Variants in NXPE1 observed in about 807,000 individuals in gnomAD.
NXPE1 encodes NXPE family member 1.
NXPE1 carries 31 observed loss-of-function variants against 33.3 expected under a neutral mutation model. The observed-to-expected ratio is 0.93, with a 90% CI of 0.70 to 1.26. The LOEUF (loss-of-function observed/expected upper bound fraction) is 1.26. NXPE1 is among the 50% of genes most tolerant of loss of function. NXPE1 has a pLI of 0.00. For missense variants in NXPE1, 661 were observed against 655.6 expected, an observed-to-expected ratio of 1.01 and a Z score of -0.09; for synonymous variants, 229 against 231.4, an observed-to-expected ratio of 0.99 and a Z score of 0.09.
chr11:114,525,287 A>G (rs1947334778), intron 7 of NXPE1, among the ~76,000 whole-genome samples: 1 of 152,204 alleles, frequency 6.6e-6, no homozygotes, highest in East Asian at 1.9e-4. Flanking sequence ...AGATTCCATT[A>G]TATTTTTTAT....
intron 5 of NXPE1, among the ~76,000 whole-genome samples, chr11:114,539,589 CA>C (rs1057196925): frequency 1.3e-5 from 2 of 151,646 alleles, no homozygotes; most frequent in Non-Finnish European, 2.9e-5. Context: ...AATTCTCTCT[CA>C]AAAAAAATTA....
At chr11:114,530,131 C>T in intron 6 of NXPE1, 44 bp downstream of exon 6, 1 of 1,538,960 alleles carries the variant, frequency 6.5e-7, no homozygotes, top group African/African-American at 1.4e-5. Context: ...GACTGGGGCA[C>T]TTCTCAGGGG....
At chr11:114,525,428 A>G (rs990263681) in intron 7 of NXPE1, among the ~76,000 whole-genome samples, 1 of 152,124 alleles carries the variant, frequency 6.6e-6, no homozygotes, top group Non-Finnish European at 1.5e-5. Context: ...TCTAAGACCC[A>G]GGGAAGGGCA....
At chr11:114,523,927 A>G (rs1005722115) in intron 7 of NXPE1, among the ~76,000 whole-genome samples, 2 of 152,254 alleles carry the variant, frequency 1.3e-5, no homozygotes, top group African/African-American at 2.4e-5. Flanking sequence ...AAAGACCAAG[A>G]TAATAATGAC....
At chr11:114,538,959 A>G (rs1286411863) in intron 5 of NXPE1, among the ~76,000 whole-genome samples, 1 of 152,112 alleles carries the variant, frequency 6.6e-6, no homozygotes, top group Non-Finnish European at 1.5e-5. Context: ...ATTATAAATC[A>G]TGCTGCTATA....
chr11:114,519,706 A>C (rs1947165651), downstream of NXPE1, among the ~76,000 whole-genome samples: 1 of 152,120 alleles, frequency 6.6e-6, no homozygotes, highest in South Asian at 2.1e-4. Context: ...GGCTTCAGAG[A>C]CTGATGTATT....
chr11:114,538,800 A>C (rs947775887), intron 5 of NXPE1, among the ~76,000 whole-genome samples: 2 of 152,102 alleles, frequency 1.3e-5, no homozygotes, highest in Non-Finnish European at 1.5e-5. Flanking sequence ...GCTGGAGAGG[A>C]TGTGGAGAAA....
At chr11:114,538,470 A>G (rs1947935153) in intron 5 of NXPE1, among the ~76,000 whole-genome samples, 1 of 152,190 alleles carries the variant, frequency 6.6e-6, no homozygotes, top group African/African-American at 2.4e-5. Context: ...AGCAAAAGAA[A>G]CCACCATCAG....
At chr11:114,554,412 G>T in intron 1 of NXPE1, 1 of 984,236 alleles carries the variant, frequency 1.0e-6, no homozygotes, top group Non-Finnish European at 1.2e-6. Context: ...CAGAACAGGG[G>T]GTTCTTAAAC....
At chr11:114,529,097 T>C in intron 6 of NXPE1, 1 of 330,634 alleles carries the variant, frequency 3.0e-6, no homozygotes, top group Non-Finnish European at 5.4e-6. Context: ...TGAAAGCTTA[T>C]GGAAAAAAGA....
At chr11:114,550,334 A>G (rs1948432797) in intron 5 of NXPE1, among the ~76,000 whole-genome samples, 1 of 152,162 alleles carries the variant, frequency 6.6e-6, no homozygotes, top group Non-Finnish European at 1.5e-5. Flanking sequence ...ACTTACTTGT[A>G]AAAATCTTTG....
chr11:114,547,272 C>A (rs576223), intron 5 of NXPE1, among the ~76,000 whole-genome samples: 1,910 of 152,264 alleles, frequency 0.013, 46 homozygotes, highest in African/African-American at 0.043. Flanking sequence ...GAGTGGAAGA[C>A]CACTTAGCTC....
Position 114,530,278 on chromosome 11 carries a change from A to G in NXPE1, c.730T>C (p.Cys244Arg), listed in dbSNP as rs188537245. Residue 244 changes from cysteine (C) to arginine (R), a missense_variant, in exon 6 of 9, where the codon TGT becomes CGT. Transcript: ENST00000534921. ...CAGGGCATGTGTTGAGGCTTCATAC[A>G]ATAGAAGGCTTCTTGGTCTCTGTCA... 2.4e-5 allele frequency: 39 copies of G among 1,614,226 alleles called. No homozygotes were observed. The Admixed American group carries it at 4.7e-4, about 19-fold the overall frequency.
chr11:114,539,389 A>T (rs900018398), intron 5 of NXPE1, among the ~76,000 whole-genome samples: 19 of 152,078 alleles, frequency 1.2e-4, no homozygotes, highest in African/African-American at 4.3e-4. Flanking sequence ...CATATGTAAC[A>T]AACCTGCACG....
At chr11:114,526,253 G>A (rs1423764806) in intron 7 of NXPE1, among the ~76,000 whole-genome samples, 1 of 152,116 alleles carries the variant, frequency 6.6e-6, no homozygotes, top group African/African-American at 2.4e-5. Flanking sequence ...GACCAGCATT[G>A]GACATCTGGA....
At chr11:114,523,081 T>A (rs1211051288) in exon 8 of NXPE1, 1 of 1,611,972 alleles carries the variant, frequency 6.2e-7, no homozygotes, top group Non-Finnish European at 8.5e-7. Context: ...TCTCTTCTAT[T>A]TTTTCTCTCT....
intron 7 of NXPE1, among the ~76,000 whole-genome samples, chr11:114,525,184 T>C (rs192885612): frequency 6.6e-6 from 1 of 151,936 alleles, no homozygotes; most frequent in Admixed American, 6.6e-5. Flanking sequence ...CTACTAAATG[T>C]TTCGAGAAAC....
chr11:114,524,473 T>C (rs563494248), intron 7 of NXPE1, among the ~76,000 whole-genome samples: 9 of 152,202 alleles, frequency 5.9e-5, no homozygotes, highest in Admixed American at 2.0e-4. Context: ...GTGGCAGAAT[T>C]GGAAAGTGCA....
chr11:114,538,615 C>T (rs779608958), intron 5 of NXPE1, among the ~76,000 whole-genome samples: 41 of 152,052 alleles, frequency 2.7e-4, no homozygotes, highest in African/African-American at 5.8e-4. Flanking sequence ...AAAAAGTGGG[C>T]GAAGGATATG....
Sources: allele counts gnomAD v4.1 joint callset (sites outside exome capture counted in the v4.1 genomes callset), GRCh38; gene constraint gnomAD v4.1.1; transcripts MANE v1.5; gene names NCBI Gene and HGNC (gene_info 2026-07-23, HGNC 2026-07-21).